The following BHMT2 variants were observed in gnomAD, a reference collection of about 807,000 sequenced individuals.
BHMT2 encodes the protein betaine--homocysteine S-methyltransferase 2, also known as S-methylmethionine--homocysteine S-methyltransferase BHMT2.
A neutral mutation model predicts 39.0 loss-of-function variants in BHMT2; 28 were observed. That is an observed-to-expected ratio of 0.72 (90% CI 0.53 to 0.98). BHMT2 has a LOEUF of 0.98. Ranked by LOEUF, BHMT2 falls within the 50% of genes least tolerant of loss-of-function variation. BHMT2 has a pLI of 0.00. For synonymous variants in BHMT2, 145 were observed against 160.6 expected, an observed-to-expected ratio of 0.90 and a Z score of 0.74; for missense variants, 410 against 455.6, an observed-to-expected ratio of 0.90 and a Z score of 0.91.
At chr5:79,073,652 C>T (rs1755621713) in intron 1 of BHMT2, among the ~76,000 whole-genome samples, 1 of 152,198 alleles carries the variant, frequency 6.6e-6, no homozygotes, top group Admixed American at 6.5e-5. Flanking sequence ...ATTTCTTCTG[C>T]ATTCAGCTAA....
intron 7 of BHMT2, among the ~76,000 whole-genome samples, chr5:79,084,729 AT>A (rs1233031114): frequency 6.6e-6 from 1 of 152,222 alleles, no homozygotes; most frequent in Non-Finnish European, 1.5e-5. Context: ...GTGTTTTGAA[AT>A]CTTGTACCTC....
At chr5:79,077,719 C>T in intron 2 of BHMT2, 107 bp downstream of exon 2, 1 of 1,385,742 alleles carries the variant, frequency 7.2e-7, no homozygotes, top group Non-Finnish European at 9.8e-7. Flanking sequence ...GGGTGTTTTG[C>T]TTGCTAAGAT....
chr5:79,087,333 T>A (rs370687307), intron 7 of BHMT2, among the ~76,000 whole-genome samples: 7 of 151,972 alleles, frequency 4.6e-5, no homozygotes, highest in African/African-American at 1.7e-4. Flanking sequence ...TCATACTTTT[T>A]AAAAAGTATT....
intron 1 of BHMT2, 22 bp downstream of exon 1, chr5:79,069,837 CTCGCGGAGCTCCTGGCCGCTGG>C: frequency 2.8e-6 from 4 of 1,404,278 alleles, no homozygotes; most frequent in Non-Finnish European, 3.7e-6. Context: ...CCCCTCGATC[CTCGCGGAGCTCCTGGCCGCTGG>C]GCTGCGAGCG....
chr5:79,079,465 A>G lies in BHMT2; in HGVS notation c.258+5A>G. 6.2e-7 allele frequency: 1 copy of G among 1,606,392 alleles called. No homozygotes were observed. The highest frequency in any genetic ancestry group is 1.7e-4 in the Middle Eastern group (1 of 6,052). ...GAGGACAATATGGAAAGCAAGGTAAACGGCAATGGCTGGGTGTGGGGGAGG... is the reference window on the plus strand; with the variant it reads ...GAGGACAATATGGAAAGCAAGGTAAGCGGCAATGGCTGGGTGTGGGGGAGG... On this transcript the variant is annotated splice_donor_5th_base_variant and intron_variant, in intron 3 of 7. Transcript: ENST00000255192.
At chr5:79,079,748 T>C (rs1367639566) in intron 3 of BHMT2, among the ~76,000 whole-genome samples, 1 of 152,014 alleles carries the variant, frequency 6.6e-6, no homozygotes, top group African/African-American at 2.4e-5. Flanking sequence ...ATGCAAAAAT[T>C]AGCTGGGTGT....
chr5:79,076,490 C>T (rs1312559881), intron 1 of BHMT2, among the ~76,000 whole-genome samples: 1 of 152,126 alleles, frequency 6.6e-6, no homozygotes, highest in Non-Finnish European at 1.5e-5. Context: ...CAAAAGGAAA[C>T]TGCACCCCAT....
intron 1 of BHMT2, among the ~76,000 whole-genome samples, chr5:79,075,076 A>G (rs1367214648): frequency 6.6e-6 from 1 of 152,058 alleles, no homozygotes; most frequent in African/African-American, 2.4e-5. Context: ...TAACTACTCA[A>G]CTCTGCTACT....
chr5:79,079,612 T>C (rs1561240827), intron 3 of BHMT2, 152 bp downstream of exon 3: 3 of 628,932 alleles, frequency 4.8e-6, no homozygotes, highest in Non-Finnish European at 8.1e-6. Flanking sequence ...ATATACTAAA[T>C]AGGTCGGGCA....
intron 4 of BHMT2, 101 bp downstream of exon 4, chr5:79,080,979 T>C: frequency 9.0e-7 from 1 of 1,111,840 alleles, no homozygotes; most frequent in Non-Finnish European, 1.3e-6. Context: ...CTGCCCTCAT[T>C]TCTTCCATGT....
intron 3 of BHMT2, among the ~76,000 whole-genome samples, chr5:79,079,905 G>A (rs1334437221): frequency 2.0e-5 from 3 of 152,158 alleles, no homozygotes; most frequent in African/African-American, 7.2e-5. Flanking sequence ...AAAAAAAGAA[G>A]TTAATATATA....
chr5:79,086,360 G>A (rs1755893995), intron 7 of BHMT2, among the ~76,000 whole-genome samples: 1 of 152,144 alleles, frequency 6.6e-6, no homozygotes, highest in African/African-American at 2.4e-5. Context: ...AGATTTTCCA[G>A]GGGACAGTCA....
At chr5:79,077,430 A>G in intron 1 of BHMT2, 50 bp from the exon 2 acceptor site, 1 of 1,280,642 alleles carries the variant, frequency 7.8e-7, no homozygotes, top group South Asian at 1.5e-5. Flanking sequence ...GCTTTTAGGA[A>G]AAAAAAAAAA....
Position 79,082,792 on chromosome 5 carries a change from A to G in BHMT2, c.451-17A>G, listed in dbSNP as rs762185818. The G allele has an allele frequency of 2.5e-5, 41 of 1,612,270 alleles. No individual in the cohort carries two copies. The highest frequency in any genetic ancestry group is 3.3e-4 in the Middle Eastern group (2 of 6,064). On this transcript the variant is annotated splice_polypyrimidine_tract_variant and intron_variant, in intron 4 of 7. Transcript: ENST00000255192. ...GCTTTATGTTTGGACCAGTAGAAAA[A>G]GTGACATTTCTCTTAGTATTTTGAG...
At chr5:79,079,596 G>T (rs961280878) in intron 3 of BHMT2, 136 bp downstream of exon 3, 2 of 670,768 alleles carry the variant, frequency 3.0e-6, no homozygotes, top group African/African-American at 3.7e-5. Context: ...ATTTTCACGT[G>T]AAGATATATA....
intron 4 of BHMT2, among the ~76,000 whole-genome samples, chr5:79,081,714 G>C (rs1376893566): frequency 1.3e-5 from 2 of 152,150 alleles, no homozygotes; most frequent in African/African-American, 4.8e-5. Flanking sequence ...ACAAAAATTA[G>C]CTGGGCATGT....
chr5:79,076,441 A>G (rs770090261), intron 1 of BHMT2, among the ~76,000 whole-genome samples: 2 of 152,130 alleles, frequency 1.3e-5, no homozygotes, highest in Non-Finnish European at 2.9e-5. Context: ...GCCTATCCTC[A>G]CCAGGGTCTG....
chr5:79,083,259 G>A lies in BHMT2; in HGVS notation c.666G>A (p.Met222Ile). The change falls in exon 6 of 8, where the codon ATG becomes ATA. Residue 222 changes from methionine (M) to isoleucine (I), a missense_variant. By Grantham distance (10) the Met-to-Ile change is conservative. Coordinates refer to ENST00000255192, the MANE Select transcript of BHMT2 (RefSeq NM_017614.5). ...CCAGCTTGAAGACGATGGAGCTCAT[G>A]AAGGAGGGTCTTGAGTGGGCAGGGC... ...PDTSLKTMEL[M>I]KEGLEWAGLK... 6.2e-7 allele frequency: 1 copy of A among 1,614,214 alleles called. No homozygotes were observed. Among genetic ancestry groups the A allele is most frequent in the East Asian group, 2.2e-5 (1 of 44,888 alleles).
chr5:79,072,761 G>A (rs758066014), intron 1 of BHMT2, among the ~76,000 whole-genome samples: 3 of 152,192 alleles, frequency 2.0e-5, no homozygotes, highest in Non-Finnish European at 2.9e-5. Context: ...GGTAGCAATG[G>A]AAGACAGTTC....
Sources: gnomAD v4.1 joint callset for allele counts (sites outside exome capture counted in the v4.1 genomes callset) on GRCh38, gnomAD v4.1.1 for gene constraint, MANE v1.5 for transcripts, NCBI Gene and HGNC (gene_info 2026-07-23, HGNC 2026-07-21) for gene names.